Variants in ABCA12 observed in about 807,000 individuals in gnomAD.
ABCA12 encodes glucosylceramide transporter ABCA12.
A neutral mutation model predicts 293.5 loss-of-function variants in ABCA12; 156 were observed. The ratio of observed to expected loss-of-function variants is 0.53; its 90% CI spans 0.47 to 0.61. ABCA12 has a LOEUF of 0.61. Ranked by LOEUF, ABCA12 falls within the 20% of genes least tolerant of loss-of-function variation. ABCA12 has a pLI of 0.00. For synonymous variants in ABCA12, 1,063 were observed against 1,108.0 expected (o/e 0.96, Z 0.81); for missense variants, 2,797 against 3,090.2 (o/e 0.91, Z 2.25).
At chr2:215,080,023 G>A (rs944945667) in intron 2 of ABCA12, among the ~76,000 whole-genome samples, 2 of 152,108 alleles carry the variant, frequency 1.3e-5, no homozygotes, top group Non-Finnish European at 2.9e-5. Flanking sequence ...TCGGCTAGTT[G>A]GGGATTTTCT....
At chr2:215,001,471 T>C (rs962532626) in intron 21 of ABCA12, 87 bp downstream of exon 21, 39 of 1,564,894 alleles carry the variant, frequency 2.5e-5, no homozygotes, top group Non-Finnish European at 3.2e-5. Flanking sequence ...ACACTAGTTT[T>C]CTGAGTTCTG....
intron 7 of ABCA12, among the ~76,000 whole-genome samples, chr2:215,039,663 G>C (rs1701057744): frequency 6.6e-6 from 1 of 152,062 alleles, no homozygotes; most frequent in Non-Finnish European, 1.5e-5. Context: ...GCTGAGGTAG[G>C]AGAATGGCAT....
intron 6 of ABCA12, among the ~76,000 whole-genome samples, chr2:215,047,931 G>A (rs1230819275): frequency 1.3e-5 from 2 of 151,006 alleles, no homozygotes; most frequent in Non-Finnish European, 2.9e-5. Context: ...TCTGAAAAAG[G>A]TCTAATATCC....
Position 214,987,676 on chromosome 2 carries a change from A to G in ABCA12, c.3947T>C (p.Ile1316Thr), listed in dbSNP as rs1699816656. 6.2e-7 allele frequency: 1 copy of G among 1,614,056 alleles called. No individual in the cohort carries two copies. The highest frequency in any genetic ancestry group is 1.1e-5 in the South Asian group (1 of 91,080). Residue 1316 changes from isoleucine (I) to threonine (T), a missense_variant, in exon 27 of 53, where the codon ATC becomes ACC. Coordinates refer to ENST00000272895, the MANE Select transcript of ABCA12 (RefSeq NM_173076.3). ...EKSNGLMFTN[I>T]MMQNTNPSAS... ...AGATGGGTTGGTGTTCTGCATCATG[A>G]TGTTAGTAAACATGAGGCCATTGCT...
chr2:215,105,603 A>ACACACG (rs1553545683), intron 2 of ABCA12, among the ~76,000 whole-genome samples: 3 of 108,984 alleles, frequency 2.8e-5, no homozygotes, highest in African/African-American at 1.2e-4. Flanking sequence ...ACACACACGC[A>ACACACG]CACACACACA....
At chr2:215,107,220 T>C (rs1185836505) in intron 2 of ABCA12, among the ~76,000 whole-genome samples, 1 of 152,158 alleles carries the variant, frequency 6.6e-6, no homozygotes, top group Non-Finnish European at 1.5e-5. Context: ...TGGACATTCA[T>C]GGGTATGTGT....
At chr2:214,997,377 T>C (rs1381419658) in intron 23 of ABCA12, among the ~76,000 whole-genome samples, 2 of 152,210 alleles carry the variant, frequency 1.3e-5, no homozygotes, top group East Asian at 3.8e-4. Flanking sequence ...ATTGTTGTTA[T>C]TTAAACTTCC....
At chr2:214,942,898 C>G (rs774968179) in intron 50 of ABCA12, 27 bp downstream of exon 50, 1 of 1,586,704 alleles carries the variant, frequency 6.3e-7, no homozygotes, top group East Asian at 2.2e-5. Flanking sequence ...CCAACACTAT[C>G]TGTTAAGCAA....
chr2:215,134,356 ATGTATATG>A (rs1703138351), intron 1 of ABCA12, among the ~76,000 whole-genome samples: 18 of 140,848 alleles, frequency 1.3e-4, no homozygotes, highest in Admixed American at 4.2e-4. Flanking sequence ...ATGTGTATAT[ATGTATATG>A]TGTATATATG....
intron 8 of ABCA12, chr2:215,032,199 A>G: frequency 2.3e-6 from 2 of 888,738 alleles, no homozygotes; most frequent in Non-Finnish European, 1.5e-6. Flanking sequence ...GCATATGCAG[A>G]TGACTGCTAA....
chr2:215,013,725 T>C (rs1046492721), intron 15 of ABCA12: 1 of 153,778 alleles, frequency 6.5e-6, no homozygotes, highest in Non-Finnish European at 1.5e-5. Context: ...TCATGTCATA[T>C]GCATTGTAGG....
At chr2:214,948,893 T>G in intron 46 of ABCA12, 147 bp downstream of exon 46, 1 of 1,191,314 alleles carries the variant, frequency 8.4e-7, no homozygotes. Flanking sequence ...CATTTAAACA[T>G]TTAAACATTT....
intron 2 of ABCA12, among the ~76,000 whole-genome samples, chr2:215,086,332 A>G (rs1266970605): frequency 6.6e-6 from 1 of 152,210 alleles, no homozygotes; most frequent in Non-Finnish European, 1.5e-5. Flanking sequence ...GAATACACAG[A>G]CCAGGGATAC....
intron 1 of ABCA12, among the ~76,000 whole-genome samples, chr2:215,137,588 A>T (rs898981175): frequency 3.3e-5 from 5 of 152,238 alleles, no homozygotes; most frequent in Non-Finnish European, 4.4e-5. Context: ...TTCTTAAAAC[A>T]TAGCACATAT....
chr2:215,021,550 C>T (rs866256585), intron 11 of ABCA12, among the ~76,000 whole-genome samples: 10 of 152,214 alleles, frequency 6.6e-5, no homozygotes, highest in African/African-American at 2.4e-4. Context: ...TTCTATTGTG[C>T]TTGGAAGCTA....
intron 9 of ABCA12, among the ~76,000 whole-genome samples, chr2:215,030,438 CA>C (rs59050296): frequency 0.057 from 6,472 of 113,528 alleles, 351 homozygotes; most frequent in African/African-American, 0.16. Context: ...ACTAACAATA[CA>C]AAAAAAAAAA....
At position 214,982,272 on chromosome 2, in the gene ABCA12, C is replaced by T. The variant is rs1559129034; in HGVS notation, c.4494G>A (p.Arg1498=). The change falls in exon 30 of 53, where the codon AGG becomes AGA. Residue 1498 remains arginine (R), a synonymous_variant. Transcript: ENST00000272895. ...SISIALIGGS[R]VVILDEPSTG... ...TAGATGGTTCATCCAAAATTACTACCCTTGATCCACCAATGAGAGCTATGG... is the reference window on the plus strand; with the variant it reads ...TAGATGGTTCATCCAAAATTACTACTCTTGATCCACCAATGAGAGCTATGG... 1 of 1,613,856 alleles carries T rather than the reference C, an allele frequency of 6.2e-7. No homozygotes were observed. Among genetic ancestry groups the T allele is most frequent in the Admixed American group, 1.7e-5 (1 of 59,974 alleles).
chr2:214,945,366 G>GA (rs1363523220), intron 48 of ABCA12, among the ~76,000 whole-genome samples: 2 of 151,950 alleles, frequency 1.3e-5, no homozygotes, highest in African/African-American at 4.8e-5. Context: ...TGTTTCTTTG[G>GA]AAAAAAATTC....
At position 214,931,722 on chromosome 2, in the gene ABCA12, T is replaced by C. The variant is rs1698063959; in HGVS notation, c.*912A>G. The C allele has an allele frequency of 6.6e-6, 1 of 152,654 alleles. No homozygotes were observed. The highest frequency in any genetic ancestry group is 1.5e-5 in the Non-Finnish European group (1 of 68,052). The allele number at this position is 152,654 out of a possible 1,614,324, so 9.5% of individuals were successfully genotyped here. On this transcript the variant is annotated 3_prime_UTR_variant, in exon 53 of 53. Transcript: ENST00000272895. The stretch of plus-strand genomic sequence containing the variant: ...CTATAGCCATATACACGATTCTGGG[T>C]CACCCAGATAATTAGCTGAAAATTA...
Sources: allele counts gnomAD v4.1 joint callset (sites outside exome capture counted in the v4.1 genomes callset), GRCh38; gene constraint gnomAD v4.1.1; transcripts MANE v1.5; gene names NCBI Gene and HGNC (gene_info 2026-07-23, HGNC 2026-07-21).